The following ASCC3 variants were observed in gnomAD, a reference collection of about 807,000 sequenced individuals.
ASCC3 encodes the protein ASC-1 complex subunit P200.
In ASCC3, 158 loss-of-function variants were observed where a neutral mutation model predicts 256.3. That is an observed-to-expected ratio of 0.62 (90% CI 0.54 to 0.70). The LOEUF (loss-of-function observed/expected upper bound fraction) is 0.70. ASCC3 is among the 30% of genes least tolerant of loss of function. The probability of loss-of-function intolerance (pLI) is 0.00; values close to 1 mark genes in which losing one functional copy is unlikely to be tolerated. For synonymous variants in ASCC3, 948 were observed against 883.4 expected, an observed-to-expected ratio of 1.07 and a Z score of -1.30; for missense variants, 2,259 against 2,626.0, an observed-to-expected ratio of 0.86 and a Z score of 3.05.
At chr6:100,575,397 C>T (rs560255897) in intron 36 of ASCC3, among the ~76,000 whole-genome samples, 11 of 151,974 alleles carry the variant, frequency 7.2e-5, no homozygotes, top group Admixed American at 4.6e-4. Context: ...GCCTCAAACA[C>T]GATAAAATTC....
At chr6:100,860,193 A>G (rs1292196654) in intron 3 of ASCC3, among the ~76,000 whole-genome samples, 2 of 152,010 alleles carry the variant, frequency 1.3e-5, no homozygotes, top group East Asian at 1.9e-4. Context: ...GAGCACATAA[A>G]ATATACTGAC....
At chr6:100,811,083 G>C (rs902129054) in intron 4 of ASCC3, among the ~76,000 whole-genome samples, 2 of 152,050 alleles carry the variant, frequency 1.3e-5, no homozygotes, top group African/African-American at 4.8e-5. Context: ...TAGAAACAGT[G>C]TCCAACAACG....
chr6:100,618,352 C>T (rs1582572687), intron 30 of ASCC3, among the ~76,000 whole-genome samples: 1 of 152,126 alleles, frequency 6.6e-6, no homozygotes, highest in Non-Finnish European at 1.5e-5. Flanking sequence ...CAGAAAGGCA[C>T]AAGTTTTAGG....
intron 14 of ASCC3, among the ~76,000 whole-genome samples, chr6:100,678,905 AT>A (rs1777155810): frequency 6.6e-6 from 1 of 152,228 alleles, no homozygotes; most frequent in Non-Finnish European, 1.5e-5. Context: ...CCTTCGGGCC[AT>A]AATCTGCCCA....
At chr6:100,848,956 A>C (rs1377728213) in intron 3 of ASCC3, among the ~76,000 whole-genome samples, 3 of 152,126 alleles carry the variant, frequency 2.0e-5, no homozygotes, top group Admixed American at 2.0e-4. Flanking sequence ...ATTTTTAAAA[A>C]TTAGCCAGGT....
At chr6:100,665,949 C>A (rs988290075) in intron 14 of ASCC3, among the ~76,000 whole-genome samples, 7 of 152,156 alleles carry the variant, frequency 4.6e-5, no homozygotes, top group Admixed American at 6.5e-5. Context: ...CTTAAAAAAA[C>A]CCCCTCATGC....
chr6:100,876,395 C>T (rs1482510332), intron 1 of ASCC3, among the ~76,000 whole-genome samples: 4 of 152,166 alleles, frequency 2.6e-5, no homozygotes, highest in African/African-American at 9.7e-5. Context: ...ATGCTCAGCT[C>T]ATACTGCAAA....
chr6:100,692,016 T>C (rs1484740654), intron 13 of ASCC3, among the ~76,000 whole-genome samples: 1 of 152,074 alleles, frequency 6.6e-6, no homozygotes, highest in Non-Finnish European at 1.5e-5. Flanking sequence ...AGTGATCTAT[T>C]TGGTAGGCCA....
intron 10 of ASCC3, among the ~76,000 whole-genome samples, chr6:100,765,252 A>G (rs958103843): frequency 1.3e-5 from 2 of 152,092 alleles, no homozygotes; most frequent in Admixed American, 6.6e-5. Context: ...AAGCCCCCCA[A>G]CCATCTGAAT....
chr6:100,659,422 A>G (rs1345263125), intron 16 of ASCC3, among the ~76,000 whole-genome samples: 2 of 151,530 alleles, frequency 1.3e-5, no homozygotes, highest in African/African-American at 4.8e-5. Flanking sequence ...AATATGAGCA[A>G]GTTAGTTCAA....
intron 3 of ASCC3, among the ~76,000 whole-genome samples, chr6:100,861,621 C>T (rs1275991992): frequency 1.3e-5 from 2 of 152,110 alleles, no homozygotes; most frequent in Non-Finnish European, 2.9e-5. Flanking sequence ...AGTTATTCAA[C>T]TGAAGCACAG....
intron 22 of ASCC3, 45 bp from the exon 23 acceptor site, chr6:100,644,174 A>G: frequency 8.0e-7 from 1 of 1,256,412 alleles, no homozygotes; most frequent in Middle Eastern, 1.9e-4. Context: ...TCATAACTCA[A>G]ATAAGGGATA....
intron 36 of ASCC3, among the ~76,000 whole-genome samples, chr6:100,583,907 T>A (rs1218697487): frequency 6.6e-6 from 1 of 152,240 alleles, no homozygotes; most frequent in African/African-American, 2.4e-5. Flanking sequence ...TTCAGTGAGT[T>A]TCTGAATCCT....
chr6:100,798,948 C>T lies in ASCC3; in HGVS notation c.1270-110G>A, dbSNP rs1190092196. On this transcript the variant is annotated intron_variant, in intron 7 of 41. Coordinates refer to ENST00000369162, the MANE Select transcript of ASCC3 (RefSeq NM_006828.4). The stretch of plus-strand genomic sequence containing the variant: ...ACACTACTGGTTTTATAACAAAGCA[C>T]TGGTAAATAAACTTAGCTAATTTAA... 6 of 1,012,300 alleles carry T rather than the reference C, an allele frequency of 5.9e-6. No homozygotes were observed. In the Admixed American group the frequency reaches 9.8e-5, roughly 17 times the overall value. 62.7% of individuals were successfully genotyped at this position (1,012,300 alleles called of 1,614,324 possible).
chr6:100,791,740 A>G (rs1271395236), intron 8 of ASCC3, among the ~76,000 whole-genome samples: 1 of 152,006 alleles, frequency 6.6e-6, no homozygotes, highest in Non-Finnish European at 1.5e-5. Flanking sequence ...TTTTATTCAG[A>G]AAATCTGGCC....
chr6:100,660,332 C>T (rs903293402), intron 16 of ASCC3, among the ~76,000 whole-genome samples: 6 of 151,580 alleles, frequency 4.0e-5, no homozygotes, highest in African/African-American at 4.8e-5. Context: ...AGATAATGTA[C>T]GTGAAGCACT....
At chr6:100,756,282 C>T (rs903150839) in intron 10 of ASCC3, among the ~76,000 whole-genome samples, 1 of 151,494 alleles carries the variant, frequency 6.6e-6, no homozygotes, top group Non-Finnish European at 1.5e-5. Flanking sequence ...CTTTCTAGTA[C>T]TTCTACATTT....
Position 100,872,066 on chromosome 6 carries a change from T to C in ASCC3, c.-41-4028A>G, listed in dbSNP as rs78696380. Reference sequence around the variant, plus strand: ...TCAAGTCTTTAAAGAAAGGCTCTGATAGTAAACTAAACATACTCTGCCTCA... The same window carrying C: ...TCAAGTCTTTAAAGAAAGGCTCTGACAGTAAACTAAACATACTCTGCCTCA... On this transcript the variant is annotated intron_variant, in intron 1 of 41. Transcript: ENST00000369162. Among the ~76,000 whole-genome samples the C allele has an allele frequency of 3.3e-3, 503 of 152,336 alleles. 3 individuals carry two copies. The highest frequency in any genetic ancestry group is 0.012 in the African/African-American group (479 of 41,584).
intron 8 of ASCC3, among the ~76,000 whole-genome samples, chr6:100,786,955 T>G (rs1037291120): frequency 2.6e-5 from 4 of 152,280 alleles, no homozygotes; most frequent in Admixed American, 1.3e-4. Context: ...TTACTTCATA[T>G]TATCAGTAAG....
Sources: allele counts gnomAD v4.1 joint callset (sites outside exome capture counted in the v4.1 genomes callset), GRCh38; gene constraint gnomAD v4.1.1; transcripts MANE v1.5; gene names NCBI Gene and HGNC (gene_info 2026-07-23, HGNC 2026-07-21).